Variants in ZNF737 observed in about 807,000 individuals in gnomAD.
The protein encoded by ZNF737 is zinc finger protein 737.
ZNF737 carries 13 observed loss-of-function variants against 11.7 expected under a neutral mutation model. That is an observed-to-expected ratio of 1.11 (90% CI 0.73 to 1.77). The LOEUF (loss-of-function observed/expected upper bound fraction) is 1.77. Among genes scored for constraint, ZNF737 ranks in the 40% most tolerant of loss-of-function variants. The pLI is 0.00. For synonymous variants in ZNF737, 217 were observed against 216.2 expected (o/e 1.00, Z -0.03); for missense variants, 636 against 638.0 (o/e 1.00, Z 0.03).
At chr19:20,533,654 G>A (rs1967883184), downstream of ZNF737, among the ~76,000 whole-genome samples, 1 of 150,128 alleles carries the variant, frequency 6.7e-6, no homozygotes, top group African/African-American at 2.5e-5. Flanking sequence ...TCAGCTTCAG[G>A]TTTCAGGCCT....
chr19:20,534,287 C>T (rs1482530899), downstream of ZNF737, among the ~76,000 whole-genome samples: 1 of 149,786 alleles, frequency 6.7e-6, no homozygotes, highest in African/African-American at 2.5e-5. Flanking sequence ...ACTAAAAATA[C>T]ATAAATTAGC....
In ZNF737 at chr19:20,540,335, A is replaced by T. The variant is rs1274196830; in HGVS notation, c.*4257T>A. 6.6e-6 allele frequency among the ~76,000 whole-genome samples: 1 copy of T among 152,200 alleles called. No individual in the cohort carries two copies. The highest frequency in any genetic ancestry group is 6.5e-5 in the Admixed American group (1 of 15,268). ...GTCTACGGATGAGTAACCTAATTTC[A>T]TAAGTGATTTCCCACCACAGTCACA... On this transcript the variant is annotated 3_prime_UTR_variant, in exon 4 of 4. Transcript: ENST00000427401.
At position 20,545,722 on chromosome 19, in the gene ZNF737, T is replaced by C; in HGVS notation, c.481A>G (p.Asn161Asp). ...VKVIHKFSNS[N>D]RHKIRHTGKK... ...CCAGTATGTCTTATCTTATGTCTGT[T>C]TGAATTTGAAAATTTATGAATGACT... Residue 161 changes from asparagine (N) to aspartate (D), a missense_variant, in exon 4 of 4, where the codon AAC (asparagine) becomes GAC (aspartate). Coordinates refer to ENST00000427401, the MANE Select transcript of ZNF737 (RefSeq NM_001159293.2). 2 of 1,612,712 alleles carry C rather than the reference T, an allele frequency of 1.2e-6. No individual in the cohort carries two copies. Among genetic ancestry groups the C allele is most frequent in the South Asian group, 2.2e-5 (2 of 90,788 alleles).
intron 1 of ZNF737, chr19:20,563,939 G>A (rs1322829648): frequency 6.6e-6 from 1 of 152,130 alleles, no homozygotes; most frequent in Non-Finnish European, 1.5e-5. Context: ...GCCGAGGCAG[G>A]TAGATCACGA....
rs782641313 is a variant in ZNF737, at chr19:20,545,762, A to G, written c.441T>C (p.Cys147=). Residue 147 remains cysteine (C), a synonymous_variant, in exon 4 of 4, where the codon TGT becomes TGC. Transcript: ENST00000427401. The part of the protein sequence containing the change: ...LTTTQSKIFQ[C]DKYVKVIHKF... ...TATGAATGACTTTCACATATTTATC[A>G]CACTGAAATATTTTGCTTTGAGTAG... 6.2e-7 allele frequency: 1 copy of G among 1,613,270 alleles called. No homozygotes were observed. Among genetic ancestry groups the G allele is most frequent in the Non-Finnish European group, 8.5e-7 (1 of 1,179,732 alleles).
chr19:20,545,259 C>T lies in ZNF737; in HGVS notation c.944G>A (p.Cys315Tyr). The change falls in exon 4 of 4, where the codon TGT (cysteine) becomes TAT (tyrosine). Residue 315 changes from cysteine (C) to tyrosine (Y), a missense_variant. Coordinates refer to ENST00000427401, the MANE Select transcript of ZNF737 (RefSeq NM_001159293.2). ...CTTAAAGGCTTTGCCACATTCTTCA[C>T]ATTTGTAGGGTTTCTCTCCGCTATG... ...IIHSGEKPYK[C>Y]EECGKAFKHP... 1 of 1,613,760 alleles carries T rather than the reference C, an allele frequency of 6.2e-7. No homozygotes were observed. The highest frequency in any genetic ancestry group is 2.2e-5 in the East Asian group (1 of 44,784).
At chr19:20,560,092 G>C (rs1252817295) in intron 1 of ZNF737, among the ~76,000 whole-genome samples, 2 of 150,142 alleles carry the variant, frequency 1.3e-5, no homozygotes, top group Non-Finnish European at 3.0e-5. Flanking sequence ...CGTGAACCCG[G>C]GAAGCGGAGC....
intron 1 of ZNF737, among the ~76,000 whole-genome samples, chr19:20,561,635 G>A (rs147065773): frequency 6.6e-6 from 1 of 151,972 alleles, no homozygotes; most frequent in East Asian, 1.9e-4. Context: ...CACCAAATCT[G>A]TAGAGTTTGC....
rs80350208 is a variant in ZNF737 at position 20,543,817 on chromosome 19, G to A, written c.*775C>T. The A allele has an allele frequency of 5.1e-3, 5,023 of 985,316 alleles. 211 individuals carry two copies. The African/African-American group carries it at 0.082, about 16-fold the overall frequency. The allele number at this position is 985,316 out of a possible 1,614,324, so 61.0% of individuals were successfully genotyped here. ...GATTTCCTCTTCAACATGAATTATT[G>A]CCATGCCTCTTAAGAATTGAGAACT... On this transcript the variant is annotated 3_prime_UTR_variant, in exon 4 of 4. Coordinates refer to ENST00000427401, the MANE Select transcript of ZNF737 (RefSeq NM_001159293.2).
At chr19:20,532,984 T>C (rs1160015259), downstream of ZNF737, among the ~76,000 whole-genome samples, 7 of 150,226 alleles carry the variant, frequency 4.7e-5, no homozygotes, top group African/African-American at 1.7e-4. Flanking sequence ...TCACACACTC[T>C]TGGAAATAAA....
In ZNF737 at chr19:20,544,029, G is replaced by T. The variant is rs1968326590; in HGVS notation, c.*563C>A. 1 of 684,660 alleles carries T rather than the reference G, an allele frequency of 1.5e-6. No homozygotes were observed. The highest frequency in any genetic ancestry group is 1.8e-6 in the Non-Finnish European group (1 of 555,512). 42.4% of individuals were successfully genotyped at this position (684,660 alleles called of 1,614,324 possible). On this transcript the variant is annotated 3_prime_UTR_variant, in exon 4 of 4. Coordinates refer to ENST00000427401, the MANE Select transcript of ZNF737 (RefSeq NM_001159293.2). Reference sequence around the variant, plus strand: ...TGTAATCCCAGCTACTCAGGAAGCTGAGGTAGGAGAATGGCTTAAACCCAG... The same window carrying T: ...TGTAATCCCAGCTACTCAGGAAGCTTAGGTAGGAGAATGGCTTAAACCCAG...
intron 1 of ZNF737, among the ~76,000 whole-genome samples, chr19:20,554,715 T>G (rs533554246): frequency 6.6e-6 from 1 of 152,288 alleles, no homozygotes; most frequent in South Asian, 2.1e-4. Flanking sequence ...TATGCAAACC[T>G]CAAAATACAG....
At chr19:20,549,307 C>T (rs1968580321) in intron 3 of ZNF737, among the ~76,000 whole-genome samples, 1 of 151,956 alleles carries the variant, frequency 6.6e-6, no homozygotes, top group African/African-American at 2.4e-5. Context: ...ATAAGTAAAA[C>T]CAAAACACCC....
Position 20,541,961 on chromosome 19 carries a change from C to T in ZNF737, c.*2631G>A. The T allele has an allele frequency of 1.1e-6, 1 of 931,864 alleles. No individual in the cohort carries two copies. Among genetic ancestry groups the T allele is most frequent in the Non-Finnish European group, 1.3e-6 (1 of 781,702 alleles). 57.7% of individuals were successfully genotyped at this position (931,864 alleles called of 1,614,324 possible). On this transcript the variant is annotated 3_prime_UTR_variant, in exon 4 of 4. Coordinates refer to ENST00000427401, the MANE Select transcript of ZNF737 (RefSeq NM_001159293.2). ...CATAAATATATACACATATTATATA[C>T]CCACGAATACAAATAAAAAATTTAA...
At chr19:20,534,730 G>A (rs33944), downstream of ZNF737, among the ~76,000 whole-genome samples, 86,367 of 148,902 alleles carry the variant, frequency 0.58, 27,326 homozygotes, top group East Asian at 0.72. Context: ...AACTTCACGA[G>A]ATTTTATGCT....
At chr19:20,546,003 C>T (rs782034986) in intron 3 of ZNF737, 27 bp from the exon 4 acceptor site, 2 of 1,526,928 alleles carry the variant, frequency 1.3e-6, no homozygotes, top group Admixed American at 4.5e-5. Flanking sequence ...AAGCACATTA[C>T]TTCAATTGGT....
At chr19:20,536,199 G>T (rs1967958787), downstream of ZNF737, 1 of 682,426 alleles carries the variant, frequency 1.5e-6, no homozygotes. Flanking sequence ...GTAAAATAAA[G>T]ATTAATTTTG....
intron 3 of ZNF737, among the ~76,000 whole-genome samples, chr19:20,546,225 G>A (rs1373940048): frequency 1.3e-5 from 2 of 152,166 alleles, no homozygotes; most frequent in African/African-American, 4.8e-5. Context: ...GAGCCACATA[G>A]AATAAAAAGA....
Position 20,553,854 on chromosome 19 carries a change from A to T in ZNF737, c.4-19T>A. On this transcript the variant is annotated intron_variant, in intron 1 of 3. Transcript: ENST00000427401. ...ATGGCCCCTGAAACACACACACAACATACGTTTTTACCAAGTAGCCAAGGG... is the reference window on the plus strand; with the variant it reads ...ATGGCCCCTGAAACACACACACAACTTACGTTTTTACCAAGTAGCCAAGGG... The T allele has an allele frequency of 6.2e-7, 1 of 1,604,768 alleles. No homozygotes were observed. Among genetic ancestry groups the T allele is most frequent in the South Asian group, 1.1e-5 (1 of 88,776 alleles).
Sources: gnomAD v4.1 joint callset for allele counts (sites outside exome capture counted in the v4.1 genomes callset) on GRCh38, gnomAD v4.1.1 for gene constraint, MANE v1.5 for transcripts, NCBI Gene and HGNC (gene_info 2026-07-23, HGNC 2026-07-21) for gene names.